Variants in TENM3 observed in about 807,000 individuals in gnomAD.
TENM3 encodes the protein teneurin-3.
TENM3 carries 63 observed loss-of-function variants against 255.1 expected under a neutral mutation model. That is an observed-to-expected ratio of 0.25 (90% CI 0.20 to 0.30). TENM3 has a LOEUF of 0.30. Among genes scored for constraint, TENM3 ranks in the 10% least tolerant of loss-of-function variants. TENM3 has a pLI of 1.00. For missense variants in TENM3, 2,929 were observed against 3,461.1 expected (o/e 0.85, Z 3.86); for synonymous variants, 1,306 against 1,322.3 (o/e 0.99, Z 0.27).
chr4:182,190,469 C>T (rs767113059), intron 1 of TENM3: 4 of 152,146 alleles, frequency 2.6e-5, no homozygotes, highest in Non-Finnish European at 4.4e-5. Flanking sequence ...TAGAATTGGA[C>T]GTCCTCTAAG....
At chr4:182,220,324 C>G (rs575999810) in intron 1 of TENM3, among the ~76,000 whole-genome samples, 56 of 130,274 alleles carry the variant, frequency 4.3e-4, no homozygotes, top group Middle Eastern at 0.012. Flanking sequence ...TTGCAGTGAG[C>G]AGAGATCACA....
the TENM3 span, among the ~76,000 whole-genome samples, chr4:181,892,118 T>A: frequency 2.0e-5 from 3 of 152,218 alleles, no homozygotes; most frequent in African/African-American, 7.2e-5. Context: ...TTCTATTCTT[T>A]GCAAATTACA....
chr4:182,248,853 A>G (rs1455095289), intron 1 of TENM3, among the ~76,000 whole-genome samples: 3 of 152,216 alleles, frequency 2.0e-5, no homozygotes, highest in Non-Finnish European at 4.4e-5. Flanking sequence ...ATAACCATAT[A>G]TATCTACAGA....
At chr4:181,723,995 C>A in the TENM3 span, among the ~76,000 whole-genome samples, 1 of 152,178 alleles carries the variant, frequency 6.6e-6, no homozygotes, top group African/African-American at 2.4e-5. Flanking sequence ...AACGAGCAAT[C>A]TCTTTCTTTC....
chr4:182,462,232 AT>A (rs1732080029), intron 3 of TENM3, among the ~76,000 whole-genome samples: 1 of 151,618 alleles, frequency 6.6e-6, no homozygotes, highest in South Asian at 2.1e-4. Flanking sequence ...CAATTTTTAA[AT>A]TTTCAGTAAA....
chr4:182,542,904 T>C (rs1199356297), intron 3 of TENM3, among the ~76,000 whole-genome samples: 1 of 152,196 alleles, frequency 6.6e-6, no homozygotes, highest in Non-Finnish European at 1.5e-5. Context: ...TCACAACAAT[T>C]CTCGTGGTAG....
intron 4 of TENM3, among the ~76,000 whole-genome samples, chr4:182,628,131 C>T (rs1751007395): frequency 6.6e-6 from 1 of 152,186 alleles, no homozygotes; most frequent in Non-Finnish European, 1.5e-5. Context: ...AGCAGAGAAG[C>T]AGGCCAAGAG....
At chr4:181,469,074 A>G in the TENM3 span, among the ~76,000 whole-genome samples, 1 of 152,144 alleles carries the variant, frequency 6.6e-6, no homozygotes. Flanking sequence ...GAGAGCTAAA[A>G]ATTATTTTTT....
the TENM3 span, among the ~76,000 whole-genome samples, chr4:181,963,024 CCAGA>C: frequency 6.6e-6 from 1 of 152,118 alleles, no homozygotes; most frequent in Non-Finnish European, 1.5e-5. Flanking sequence ...TCAATACTTT[CCAGA>C]CAGAAAAGTT....
the TENM3 span, among the ~76,000 whole-genome samples, chr4:181,628,711 G>A: frequency 3.1e-4 from 47 of 152,296 alleles, no homozygotes; most frequent in African/African-American, 8.4e-4. Context: ...TTTGGTACCA[G>A]TACCATGCTG....
intron 3 of TENM3, among the ~76,000 whole-genome samples, chr4:182,600,564 G>T (rs1331094743): frequency 6.6e-6 from 1 of 151,930 alleles, no homozygotes; most frequent in Non-Finnish European, 1.5e-5. Flanking sequence ...TTCAGGGTTG[G>T]TTTGTTAAAA....
the TENM3 span, among the ~76,000 whole-genome samples, chr4:181,728,573 G>A: frequency 6.6e-6 from 1 of 152,146 alleles, no homozygotes; most frequent in Non-Finnish European, 1.5e-5. Context: ...TGGTGGGCAT[G>A]GCTTTTAGCA....
chr4:181,840,063 A>G, the TENM3 span, among the ~76,000 whole-genome samples: 1 of 151,966 alleles, frequency 6.6e-6, no homozygotes, highest in African/African-American at 2.4e-5. Context: ...AAGTCTCTAA[A>G]CTTCTCTTGC....
intron 1 of TENM3, among the ~76,000 whole-genome samples, chr4:182,174,617 A>G (rs953867775): frequency 6.6e-6 from 1 of 152,102 alleles, no homozygotes; most frequent in African/African-American, 2.4e-5. Flanking sequence ...ACTTGGGGTC[A>G]GATAGAGCCC....
At chr4:181,678,438 G>A in the TENM3 span, among the ~76,000 whole-genome samples, 3 of 151,980 alleles carry the variant, frequency 2.0e-5, no homozygotes, top group South Asian at 6.2e-4. Flanking sequence ...CAACGGGGAA[G>A]GCAAGAATTT....
chr4:182,278,970 G>A (rs1432150238), intron 1 of TENM3, among the ~76,000 whole-genome samples: 1 of 152,232 alleles, frequency 6.6e-6, no homozygotes, highest in African/African-American at 2.4e-5. Flanking sequence ...AAGCTCTGGA[G>A]GCTGCGCTTG....
the TENM3 span, among the ~76,000 whole-genome samples, chr4:181,563,119 G>T: frequency 6.6e-6 from 1 of 152,184 alleles, no homozygotes; most frequent in African/African-American, 2.4e-5. Flanking sequence ...CCACACACGG[G>T]GAGGGTGGCT....
At chr4:182,433,309 G>A (rs1010586711) in intron 3 of TENM3, among the ~76,000 whole-genome samples, 6 of 152,126 alleles carry the variant, frequency 3.9e-5, no homozygotes, top group Admixed American at 2.0e-4. Context: ...GATGAGATAC[G>A]AGTTTGTGGA....
chr4:182,033,633 G>T, the TENM3 span, among the ~76,000 whole-genome samples: 1 of 151,960 alleles, frequency 6.6e-6, no homozygotes. Flanking sequence ...TTGACAGTGG[G>T]GTGCTAAAGT....
Sources: gnomAD v4.1 joint callset for allele counts (sites outside exome capture counted in the v4.1 genomes callset) on GRCh38, gnomAD v4.1.1 for gene constraint, MANE v1.5 for transcripts, NCBI Gene and HGNC (gene_info 2026-07-23, HGNC 2026-07-21) for gene names.